ZNF804B: variants seen among roughly 807,000 people sequenced by gnomAD.
The protein encoded by ZNF804B is zinc finger 804B.
Under a neutral mutation model 101.4 loss-of-function variants are expected in ZNF804B, and 80 were observed. The observed-to-expected ratio is 0.79, with a 90% CI of 0.66 to 0.95. The LOEUF is 0.95. Among genes scored for constraint, ZNF804B ranks in the 40% least tolerant of loss-of-function variants. ZNF804B has a pLI of 0.00. For synonymous variants in ZNF804B, 622 were observed against 558.8 expected, an observed-to-expected ratio of 1.11 and a Z score of -1.59; for missense variants, 1,673 against 1,561.9, an observed-to-expected ratio of 1.07 and a Z score of -1.20.
chr7:89,312,786 C>G (rs1312968083), intron 2 of ZNF804B, among the ~76,000 whole-genome samples: 1 of 150,816 alleles, frequency 6.6e-6, no homozygotes, highest in Non-Finnish European at 1.5e-5. Flanking sequence ...CTGAGGCCAG[C>G]CTGGGTAACA....
intron 1 of ZNF804B, among the ~76,000 whole-genome samples, chr7:88,918,772 G>A (rs976235537): frequency 2.0e-5 from 3 of 152,048 alleles, no homozygotes; most frequent in Non-Finnish European, 4.4e-5. Flanking sequence ...GGATTGGGGG[G>A]TGAGGGGGAC....
At chr7:89,098,146 G>A (rs1280410270) in intron 1 of ZNF804B, among the ~76,000 whole-genome samples, 1 of 152,040 alleles carries the variant, frequency 6.6e-6, no homozygotes, top group African/African-American at 2.4e-5. Context: ...AGTAAGCTGT[G>A]TAAGGCTCTA....
chr7:89,026,906 A>G (rs1013088277), intron 1 of ZNF804B, among the ~76,000 whole-genome samples: 1 of 152,170 alleles, frequency 6.6e-6, no homozygotes, highest in African/African-American at 2.4e-5. Context: ...CCACTGATTC[A>G]TATTCAGAAA....
At chr7:88,885,555 C>G (rs138631763) in intron 1 of ZNF804B, among the ~76,000 whole-genome samples, 3 of 150,078 alleles carry the variant, frequency 2.0e-5, no homozygotes, top group Non-Finnish European at 4.4e-5. Context: ...AAGTTTGGAC[C>G]ATATTAAATA....
At chr7:89,277,283 G>C (rs1013145408) in intron 2 of ZNF804B, among the ~76,000 whole-genome samples, 1 of 149,690 alleles carries the variant, frequency 6.7e-6, no homozygotes, top group African/African-American at 2.5e-5. Context: ...CTGATGCTAA[G>C]ATCTACCATC....
chr7:89,127,855 A>G (rs2116375193), intron 1 of ZNF804B, among the ~76,000 whole-genome samples: 1 of 151,568 alleles, frequency 6.6e-6, no homozygotes, highest in African/African-American at 2.4e-5. Context: ...ACAATAAAAA[A>G]GGTAAAAGAT....
chr7:88,959,481 A>G (rs541901824), intron 1 of ZNF804B, among the ~76,000 whole-genome samples: 1 of 151,438 alleles, frequency 6.6e-6, no homozygotes, highest in East Asian at 2.0e-4. Context: ...AGCCTCCTGG[A>G]AACTCTTATT....
At chr7:88,952,933 C>G (rs1484338894) in intron 1 of ZNF804B, among the ~76,000 whole-genome samples, 1 of 151,742 alleles carries the variant, frequency 6.6e-6, no homozygotes, top group East Asian at 2.0e-4. Context: ...GATTGATTTG[C>G]AAGTGTTACT....
chr7:89,282,407 T>G (rs549426274), intron 2 of ZNF804B, among the ~76,000 whole-genome samples: 8 of 152,056 alleles, frequency 5.3e-5, no homozygotes, highest in African/African-American at 1.9e-4. Context: ...GACAGGTAAT[T>G]TAAAAACTTA....
chr7:89,041,050 C>T (rs2116248410), intron 1 of ZNF804B, among the ~76,000 whole-genome samples: 1 of 151,250 alleles, frequency 6.6e-6, no homozygotes, highest in East Asian at 2.0e-4. Context: ...TGGGGTAGGC[C>T]TGAACCCTGG....
At chr7:89,145,481 C>G (rs913423623) in intron 1 of ZNF804B, among the ~76,000 whole-genome samples, 16 of 152,010 alleles carry the variant, frequency 1.1e-4, no homozygotes, top group Admixed American at 2.6e-4. Context: ...TACTTAATAT[C>G]TACTATGTGT....
At chr7:89,240,591 T>C (rs981689705) in intron 2 of ZNF804B, among the ~76,000 whole-genome samples, 1 of 152,088 alleles carries the variant, frequency 6.6e-6, no homozygotes, top group Non-Finnish European at 1.5e-5. Flanking sequence ...GCTTGATTTA[T>C]AATCGACATA....
rs1323638160 is a variant in ZNF804B, at chr7:89,333,463, T to C, written c.481T>C (p.Cys161Arg). Residue 161 changes from cysteine (C) to arginine (R), a missense_variant, in exon 4 of 4, where the codon TGC becomes CGC. Physicochemically the swap from Cys to Arg is radical, Grantham distance 180. Transcript: ENST00000333190. ...FPIKNGRKVS[C>R]MKSALLLKGK... is the part of the protein sequence containing the mutation. ...CATTAAGAATGGCAGAAAGGTATCA[T>C]GCATGAAGAGTGCTCTTCTCCTTAA... The C allele has an allele frequency of 1.9e-6, 3 of 1,613,264 alleles. No individual in the cohort carries two copies. The highest frequency in any genetic ancestry group is 2.5e-6 in the Non-Finnish European group (3 of 1,179,514).
chr7:88,908,408 G>T (rs961956383), intron 1 of ZNF804B, among the ~76,000 whole-genome samples: 1 of 151,492 alleles, frequency 6.6e-6, no homozygotes, highest in South Asian at 2.1e-4. Flanking sequence ...AACACATATT[G>T]TACCTTTTCT....
chr7:88,992,430 T>C (rs1359088175), intron 1 of ZNF804B, among the ~76,000 whole-genome samples: 4 of 152,080 alleles, frequency 2.6e-5, no homozygotes, highest in Admixed American at 2.6e-4. Flanking sequence ...TTTAGTGGCA[T>C]ACAAGAACAC....
At position 88,760,076 on chromosome 7, in the gene ZNF804B, C is replaced by A. The variant is rs1346990581; in HGVS notation, c.100C>A (p.Pro34Thr). 6.2e-7 allele frequency: 1 copy of A among 1,613,830 alleles called. No individual in the cohort carries two copies. Among genetic ancestry groups the A allele is most frequent in the Non-Finnish European group, 8.5e-7 (1 of 1,179,816 alleles). ...GGGACCCCTGTGCAAGAACGGATCT[C>A]CCTCTCCGGTAATGTGCGCGCGCAC... The part of the protein sequence containing the change: ...FRGPLCKNGS[P>T]SPDFAEKKST... Residue 34 changes from proline (P) to threonine (T), a missense_variant, in exon 1 of 4, where the codon CCC (proline) becomes ACC (threonine). Pro to Thr is a conservative substitution (Grantham distance 38). Transcript: ENST00000333190.
chr7:88,908,594 T>A (rs1453165916), intron 1 of ZNF804B, among the ~76,000 whole-genome samples: 1 of 151,898 alleles, frequency 6.6e-6, no homozygotes, highest in Non-Finnish European at 1.5e-5. Context: ...TCCCAGTGTT[T>A]TTTTAAAAAA....
chr7:89,077,156 T>C (rs999455465), intron 1 of ZNF804B, among the ~76,000 whole-genome samples: 3 of 152,168 alleles, frequency 2.0e-5, no homozygotes, highest in Non-Finnish European at 4.4e-5. Flanking sequence ...TGCTCTTCAA[T>C]AAACTTAACT....
At chr7:89,186,741 A>G (rs1428291528) in intron 1 of ZNF804B, among the ~76,000 whole-genome samples, 1 of 152,160 alleles carries the variant, frequency 6.6e-6, no homozygotes, top group South Asian at 2.1e-4. Context: ...TCCTTCTGCA[A>G]TAGTAATCTG....
Sources: gnomAD v4.1 joint callset for allele counts (sites outside exome capture counted in the v4.1 genomes callset) on GRCh38, gnomAD v4.1.1 for gene constraint, MANE v1.5 for transcripts, NCBI Gene and HGNC (gene_info 2026-07-23, HGNC 2026-07-21) for gene names.